The following SAMD13 variants were observed in gnomAD, a reference collection of about 807,000 sequenced individuals.
The protein encoded by SAMD13 is sterile alpha motif domain containing 13, also known as sterile alpha motif domain-containing protein 13.
Under a neutral mutation model 12.4 loss-of-function variants are expected in SAMD13, and 9 were observed. The ratio of observed to expected loss-of-function variants is 0.72; its 90% CI spans 0.44 to 1.26. The LOEUF (loss-of-function observed/expected upper bound fraction) is 1.26, where lower values mean the gene tolerates loss of function less well. SAMD13 is among the 50% of genes most tolerant of loss of function. SAMD13 has a pLI of 0.00. For missense variants in SAMD13, 84 were observed against 119.6 expected, an observed-to-expected ratio of 0.70 and a Z score of 1.39; for synonymous variants, 46 against 45.4, an observed-to-expected ratio of 1.01 and a Z score of -0.05.
chr1:84,299,662 T>TATATAC (rs1370951575), upstream of SAMD13: 14 of 912,152 alleles, frequency 1.5e-5, no homozygotes, highest in Non-Finnish European at 2.0e-5. Flanking sequence ...CTAGTGTATA[T>TATATAC]ATATATATAT....
intron 3 of SAMD13, among the ~76,000 whole-genome samples, chr1:84,337,658 C>A (rs1679330353): frequency 6.6e-6 from 1 of 152,202 alleles, no homozygotes; most frequent in Non-Finnish European, 1.5e-5. Flanking sequence ...GAGACATTTT[C>A]CCCATTGTCT....
intron 2 of SAMD13, among the ~76,000 whole-genome samples, chr1:84,310,801 C>G (rs1678691643): frequency 6.6e-6 from 1 of 152,028 alleles, no homozygotes; most frequent in South Asian, 2.1e-4. Flanking sequence ...AATTGATAAG[C>G]AACAATAAGC....
chr1:84,326,509 T>C (rs1034289533), intron 3 of SAMD13, among the ~76,000 whole-genome samples: 2 of 152,128 alleles, frequency 1.3e-5, no homozygotes, highest in African/African-American at 4.8e-5. Flanking sequence ...CATAGCTCCA[T>C]GTTGCAGGCT....
intron 2 of SAMD13, among the ~76,000 whole-genome samples, chr1:84,313,397 G>T (rs531518050): frequency 1.3e-5 from 2 of 152,214 alleles, no homozygotes; most frequent in African/African-American, 2.4e-5. Flanking sequence ...ATTCATGTTA[G>T]AATTTTGACT....
chr1:84,325,683 A>T lies in SAMD13; in HGVS notation c.100A>T (p.Met34Leu). 1 of 1,613,590 alleles carries T rather than the reference A, an allele frequency of 6.2e-7. No individual in the cohort carries two copies. Among genetic ancestry groups the T allele is most frequent in the Non-Finnish European group, 8.5e-7 (1 of 1,179,618 alleles). Residue 34 changes from methionine (M) to leucine (L), a missense_variant, in exon 3 of 4, where the codon ATG (methionine) becomes TTG (leucine). By Grantham distance (15) the Met-to-Leu change is conservative. Coordinates refer to ENST00000394834, the MANE Select transcript of SAMD13 (RefSeq NM_001134663.2). ...ACCTGATCCTGCAGACTGGGCCGTGATGGATGTCGTCAATTATTTCCGAAC... is the reference window on the plus strand; with the variant it reads ...ACCTGATCCTGCAGACTGGGCCGTGTTGGATGTCGTCAATTATTTCCGAAC... Reference protein sequence around the residue: ...RPPDPADWAVMDVVNYFRTVG... With the variant: ...RPPDPADWAVLDVVNYFRTVG...
At chr1:84,299,615 T>C, upstream of SAMD13, 1 of 1,519,264 alleles carries the variant, frequency 6.6e-7, no homozygotes, top group Non-Finnish European at 8.9e-7. Context: ...AGCAGAGGAT[T>C]GATGGCAAAC....
intron 3 of SAMD13, among the ~76,000 whole-genome samples, chr1:84,337,011 C>G (rs1679311051): frequency 6.6e-6 from 1 of 152,220 alleles, no homozygotes. Context: ...CTCCATGTCT[C>G]AAATCCAGGT....
chr1:84,304,321 T>C (rs1271681430), intron 2 of SAMD13: 1 of 152,186 alleles, frequency 6.6e-6, no homozygotes, highest in East Asian at 1.9e-4. Context: ...TGCTGTTTTA[T>C]GTGTGAGTTA....
chr1:84,346,245 T>C (rs1364771360), intron 3 of SAMD13, among the ~76,000 whole-genome samples: 1 of 152,334 alleles, frequency 6.6e-6, no homozygotes, highest in East Asian at 1.9e-4. Context: ...CTATAATATC[T>C]ATGAATCCTA....
upstream of SAMD13, among the ~76,000 whole-genome samples, chr1:84,299,954 A>G (rs1678415601): frequency 2.6e-5 from 4 of 152,214 alleles, no homozygotes; most frequent in Non-Finnish European, 5.9e-5. Context: ...GGCTGTGTCT[A>G]AGGAAGAGCT....
At chr1:84,332,165 T>G (rs775598181) in intron 3 of SAMD13, among the ~76,000 whole-genome samples, 9 of 152,226 alleles carry the variant, frequency 5.9e-5, no homozygotes, top group Non-Finnish European at 1.3e-4. Flanking sequence ...TTCATATCTT[T>G]CCTATTGCAA....
chr1:84,332,640 G>A (rs1679216694), intron 3 of SAMD13, among the ~76,000 whole-genome samples: 3 of 152,022 alleles, frequency 2.0e-5, no homozygotes, highest in Admixed American at 2.0e-4. Context: ...ACCTTTGTTG[G>A]ACTCATAGTT....
At chr1:84,333,276 T>C (rs1679229149) in intron 3 of SAMD13, among the ~76,000 whole-genome samples, 1 of 152,206 alleles carries the variant, frequency 6.6e-6, no homozygotes, top group Non-Finnish European at 1.5e-5. Flanking sequence ...AGAAATAGCA[T>C]TGAATCTGTA....
intron 3 of SAMD13, among the ~76,000 whole-genome samples, chr1:84,347,709 G>A (rs1225320114): frequency 6.6e-6 from 1 of 152,126 alleles, no homozygotes; most frequent in Non-Finnish European, 1.5e-5. Flanking sequence ...TGAGCTTTAA[G>A]GTTACATCTA....
At chr1:84,303,087 A>G in intron 1 of SAMD13, 116 bp from the exon 2 acceptor site, 5 of 719,934 alleles carry the variant, frequency 6.9e-6, no homozygotes, top group Non-Finnish European at 1.2e-5. Context: ...ATTTAAACAA[A>G]CATACGTGAA....
intron 2 of SAMD13, among the ~76,000 whole-genome samples, chr1:84,312,028 A>G (rs1291667859): frequency 6.6e-6 from 1 of 152,114 alleles, no homozygotes; most frequent in East Asian, 1.9e-4. Flanking sequence ...TCTTCAGGCA[A>G]TTGTTTGGTG....
upstream of SAMD13, among the ~76,000 whole-genome samples, chr1:84,299,924 C>A (rs546351068): frequency 6.6e-6 from 1 of 152,060 alleles, no homozygotes; most frequent in Non-Finnish European, 1.5e-5. Context: ...GGAAAAACTT[C>A]ACAGAATCCT....
chr1:84,310,262 A>T (rs1678680225), intron 2 of SAMD13, among the ~76,000 whole-genome samples: 1 of 152,150 alleles, frequency 6.6e-6, no homozygotes, highest in Non-Finnish European at 1.5e-5. Context: ...TTACACTTAT[A>T]GTAGGGGGGT....
At chr1:84,311,092 T>C (rs1678698806) in intron 2 of SAMD13, among the ~76,000 whole-genome samples, 1 of 152,174 alleles carries the variant, frequency 6.6e-6, no homozygotes, top group South Asian at 2.1e-4. Flanking sequence ...TCCCAGCACT[T>C]TGGGAGGCCG....
Sources: gnomAD v4.1 joint callset for allele counts (sites outside exome capture counted in the v4.1 genomes callset) on GRCh38, gnomAD v4.1.1 for gene constraint, MANE v1.5 for transcripts, NCBI Gene and HGNC (gene_info 2026-07-23, HGNC 2026-07-21) for gene names.